Variants in TES observed in about 807,000 individuals in gnomAD.
TES encodes testin.
Under a neutral mutation model 48.2 loss-of-function variants are expected in TES, and 41 were observed. The ratio of observed to expected loss-of-function variants is 0.85; its 90% CI spans 0.66 to 1.10. The LOEUF (loss-of-function observed/expected upper bound fraction) is 1.10. Ranked by LOEUF, TES falls within the 50% of genes least tolerant of loss-of-function variation. TES has a pLI of 0.00. For missense variants in TES, 463 were observed against 515.1 expected (o/e 0.90, Z 0.98); for synonymous variants, 162 against 174.9 (o/e 0.93, Z 0.58).
Position 116,218,301 on chromosome 7 carries a change from G to A in TES, c.27+7567G>A, listed in dbSNP as rs921722521. On this transcript the variant is annotated intron_variant, in intron 1 of 6. Coordinates refer to ENST00000358204, the MANE Select transcript of TES (RefSeq NM_015641.4). The stretch of plus-strand genomic sequence containing the variant: ...ATAGCTTATCTGAGCAGCGAGCCCA[G>A]CAGAAAAGATGGCATTCAGCCCAGC... Among the ~76,000 whole-genome samples the A allele has an allele frequency of 1.7e-3, 19 of 10,978 alleles. No homozygotes were observed. The Admixed American group carries it at 0.024, about 14-fold the overall frequency. 7.2% of individuals were successfully genotyped at this position (10,978 alleles called of 152,430 possible).
At chr7:116,249,602 G>T (rs990693439) in intron 3 of TES, 2 of 221,136 alleles carry the variant, frequency 9.0e-6, no homozygotes, top group Non-Finnish European at 1.8e-5. Context: ...GTAAAGAAGA[G>T]AATTTTTGTC....
intron 1 of TES, among the ~76,000 whole-genome samples, chr7:116,230,571 C>G (rs1261954545): frequency 6.6e-6 from 1 of 152,184 alleles, no homozygotes; most frequent in Non-Finnish European, 1.5e-5. Context: ...TTGCTCCTCA[C>G]CCTCCCCTGT....
chr7:116,258,452 A>G lies in TES; in HGVS notation c.*970A>G, dbSNP rs950794811. ...TGTATAGATGATTTTTGGCTTGGAC[A>G]TAAAAGCCAAGCCACCCATTTGCTT... is the stretch of plus-strand genomic sequence containing the variant. On this transcript the variant is annotated 3_prime_UTR_variant, in exon 7 of 7. Transcript: ENST00000358204. 6.6e-6 allele frequency: 1 copy of G among 152,586 alleles called. No homozygotes were observed. The highest frequency in any genetic ancestry group is 2.4e-5 in the African/African-American group (1 of 41,426). The allele number at this position is 152,586 out of a possible 1,614,324, so 9.5% of individuals were successfully genotyped here.
At chr7:116,246,030 A>G (rs907529755) in intron 2 of TES, among the ~76,000 whole-genome samples, 43 of 151,248 alleles carry the variant, frequency 2.8e-4, no homozygotes, top group Admixed American at 2.2e-3. Flanking sequence ...CCCACAACAC[A>G]TGGGGATTAT....
intron 2 of TES, among the ~76,000 whole-genome samples, chr7:116,246,945 CCCT>C (rs1386323573): frequency 1.9e-4 from 18 of 95,200 alleles, no homozygotes; most frequent in Admixed American, 1.8e-3. Context: ...GAGACTAGGC[CCCT>C]TTTTTTTTTT....
chr7:116,233,638 A>G (rs141596598), intron 1 of TES, among the ~76,000 whole-genome samples: 2 of 152,348 alleles, frequency 1.3e-5, no homozygotes, highest in African/African-American at 4.8e-5. Context: ...TTTTAATGAG[A>G]TATAAGTAAA....
At chr7:116,230,820 A>G (rs1471541033) in intron 1 of TES, among the ~76,000 whole-genome samples, 2 of 152,154 alleles carry the variant, frequency 1.3e-5, no homozygotes, top group Non-Finnish European at 2.9e-5. Context: ...GGCCTTGTGT[A>G]TGGTGTTTCC....
chr7:116,237,783 T>C (rs1204154824), intron 2 of TES: 1 of 152,388 alleles, frequency 6.6e-6, no homozygotes, highest in East Asian at 1.9e-4. Context: ...TCTCTCTTCC[T>C]GGCTTACAGA....
intron 2 of TES, chr7:116,243,861 G>C (rs1043077153): frequency 2.6e-5 from 4 of 152,200 alleles, no homozygotes; most frequent in African/African-American, 9.7e-5. Flanking sequence ...TGGCTGGGAA[G>C]TCCTCAGGAA....
intron 4 of TES, 32 bp from the exon 5 acceptor site, chr7:116,251,728 G>T: frequency 2.6e-6 from 4 of 1,553,000 alleles, no homozygotes; most frequent in African/African-American, 2.7e-5. Flanking sequence ...GTCTTCTAAT[G>T]ACTAGGTTGT....
chr7:116,252,596 T>G (rs1048508), intron 6 of TES, 120 bp downstream of exon 6: 410,264 of 1,397,952 alleles, frequency 0.29, 63,767 homozygotes, highest in East Asian at 0.58. Context: ...GAAAGCAAAT[T>G]ATTCCTACCA....
intron 2 of TES, among the ~76,000 whole-genome samples, chr7:116,242,218 C>T (rs1799857736): frequency 6.6e-6 from 1 of 152,206 alleles, no homozygotes; most frequent in South Asian, 2.1e-4. Context: ...TAAATTCCCA[C>T]TCCACCTTCT....
Position 116,245,339 on chromosome 7 carries a change from C to G in TES, c.114-3681C>G, listed in dbSNP as rs562278834. 7.2e-5 allele frequency among the ~76,000 whole-genome samples: 11 copies of G among 152,188 alleles called. No individual in the cohort carries two copies. In the East Asian group the frequency reaches 2.1e-3, roughly 30 times the overall value. On this transcript the variant is annotated intron_variant, in intron 2 of 6. Transcript: ENST00000358204. The stretch of plus-strand genomic sequence containing the variant: ...TCTCTCTCAAGTTCAAAGTTTTGCC[C>G]CTGCCTACAGATTCTAGGGCAGGGG...
At chr7:116,215,626 G>C (rs1799485381) in intron 1 of TES, among the ~76,000 whole-genome samples, 1 of 152,172 alleles carries the variant, frequency 6.6e-6, no homozygotes, top group South Asian at 2.1e-4. Flanking sequence ...TGAGCCAATG[G>C]TAATGCTGTC....
At chr7:116,256,895 T>A (rs1800107775) in intron 6 of TES, among the ~76,000 whole-genome samples, 1 of 152,232 alleles carries the variant, frequency 6.6e-6, no homozygotes, top group Non-Finnish European at 1.5e-5. Context: ...GTGTCATAGG[T>A]AAGACAGGTA....
chr7:116,254,592 T>G (rs1800066863), intron 6 of TES, among the ~76,000 whole-genome samples: 2 of 151,844 alleles, frequency 1.3e-5, no homozygotes, highest in East Asian at 1.9e-4. Context: ...AAAAATTAGC[T>G]GGGCGTGGTG....
intron 6 of TES, among the ~76,000 whole-genome samples, chr7:116,255,423 CAGT>C (rs1282636476): frequency 6.6e-6 from 1 of 152,190 alleles, no homozygotes; most frequent in African/African-American, 2.4e-5. Context: ...AATTAGGGAA[CAGT>C]AGATTCGACC....
intron 1 of TES, among the ~76,000 whole-genome samples, chr7:116,218,294 G>A (rs1234685059): frequency 1.5e-4 from 9 of 60,318 alleles, no homozygotes; most frequent in Admixed American, 1.5e-3. Context: ...TCTGAGCAGC[G>A]AGCCCAGCAG....
intron 2 of TES, among the ~76,000 whole-genome samples, chr7:116,236,115 CTT>C (rs1272222491): frequency 1.3e-5 from 2 of 152,168 alleles, no homozygotes; most frequent in African/African-American, 2.4e-5. Flanking sequence ...GGTAAAGTGA[CTT>C]AACACAAAAT....
Sources: gnomAD v4.1 joint callset for allele counts (sites outside exome capture counted in the v4.1 genomes callset) on GRCh38, gnomAD v4.1.1 for gene constraint, MANE v1.5 for transcripts, NCBI Gene and HGNC (gene_info 2026-07-23, HGNC 2026-07-21) for gene names.